Variants in AGBL4 observed in about 807,000 individuals in gnomAD.
AGBL4 encodes cytosolic carboxypeptidase 6.
In AGBL4, 58 loss-of-function variants were observed where a neutral mutation model predicts 66.4. The ratio of observed to expected loss-of-function variants is 0.87; its 90% confidence interval spans 0.71 to 1.09. The LOEUF (loss-of-function observed/expected upper bound fraction) is 1.09, where lower values mean the gene tolerates loss of function less well. Among genes scored for constraint, AGBL4 ranks in the 50% least tolerant of loss-of-function variants. The pLI is 0.00. For synonymous variants in AGBL4, 234 were observed against 222.9 expected (o/e 1.05, Z -0.44); for missense variants, 579 against 631.0 (o/e 0.92, Z 0.88).
Position 49,259,458 on chromosome 1 carries a change from G to T in AGBL4, c.283-13594C>A, listed in dbSNP as rs1366087775. On this transcript the variant is annotated intron_variant, in intron 3 of 13. Transcript: ENST00000371839. ...ATAGGCTCAAAATAAAAGGATGGAG[G>T]AAGATCTACCAAGCAAATGGAAAAC... 3.3e-5 allele frequency among the ~76,000 whole-genome samples: 5 copies of T among 151,720 alleles called. No individual in the cohort carries two copies. The East Asian group carries it at 9.7e-4, about 29-fold the overall frequency.
At chr1:48,991,657 T>C (rs1330472782) in intron 5 of AGBL4, among the ~76,000 whole-genome samples, 2 of 152,086 alleles carry the variant, frequency 1.3e-5, no homozygotes, top group South Asian at 2.1e-4. Context: ...AGGTGTGCTA[T>C]ATTATTTTTT....
At chr1:49,134,370 T>C (rs911541873) in intron 4 of AGBL4, among the ~76,000 whole-genome samples, 5 of 151,978 alleles carry the variant, frequency 3.3e-5, no homozygotes, top group African/African-American at 4.8e-5. Flanking sequence ...AGGCTGGAAT[T>C]TCCTAATCCT....
intron 7 of AGBL4, among the ~76,000 whole-genome samples, chr1:48,660,889 G>A (rs1034329619): frequency 5.3e-5 from 8 of 152,158 alleles, no homozygotes; most frequent in African/African-American, 1.7e-4. Flanking sequence ...TCCCATCCCT[G>A]AGTGGGACAA....
chr1:49,435,201 T>A (rs988551211), intron 3 of AGBL4, among the ~76,000 whole-genome samples: 1 of 152,212 alleles, frequency 6.6e-6, no homozygotes, highest in Admixed American at 6.5e-5. Flanking sequence ...TGCTCCATGG[T>A]ACCAGAATTA....
At chr1:49,305,815 C>G (rs992167442) in intron 3 of AGBL4, among the ~76,000 whole-genome samples, 1 of 151,980 alleles carries the variant, frequency 6.6e-6, no homozygotes, top group African/African-American at 2.4e-5. Flanking sequence ...CTCAGCCTCC[C>G]GAGTAGCTGG....
chr1:48,887,424 C>T (rs923716664), intron 5 of AGBL4, among the ~76,000 whole-genome samples: 3 of 151,956 alleles, frequency 2.0e-5, no homozygotes, highest in African/African-American at 7.3e-5. Flanking sequence ...TTATTCCCAC[C>T]GAAGAGGCAA....
chr1:49,746,108 T>G (rs1457654637), intron 2 of AGBL4, among the ~76,000 whole-genome samples: 1 of 151,984 alleles, frequency 6.6e-6, no homozygotes, highest in African/African-American at 2.4e-5. Flanking sequence ...GACACACAGT[T>G]TATTCATCAG....
At chr1:49,874,809 T>TTTTG (rs1557534775) in intron 1 of AGBL4, among the ~76,000 whole-genome samples, 9 of 152,208 alleles carry the variant, frequency 5.9e-5, no homozygotes, top group African/African-American at 2.2e-4. Context: ...TTCTATTATT[T>TTTTG]TTTTGTTTTG....
At chr1:49,810,039 A>G (rs1184955901) in intron 2 of AGBL4, among the ~76,000 whole-genome samples, 1 of 152,204 alleles carries the variant, frequency 6.6e-6, no homozygotes, top group Non-Finnish European at 1.5e-5. Context: ...CATAATTATC[A>G]TTCAATATAA....
chr1:49,353,568 C>T (rs1426244101), intron 3 of AGBL4, among the ~76,000 whole-genome samples: 1 of 152,146 alleles, frequency 6.6e-6, no homozygotes, highest in African/African-American at 2.4e-5. Flanking sequence ...CAGGGAAATA[C>T]TGGGTAGAAG....
intron 2 of AGBL4, among the ~76,000 whole-genome samples, chr1:49,782,547 A>G (rs974250849): frequency 6.6e-6 from 1 of 152,186 alleles, no homozygotes; most frequent in Non-Finnish European, 1.5e-5. Context: ...TTAAGAAGTA[A>G]GTAGAAGTTC....
intron 4 of AGBL4, among the ~76,000 whole-genome samples, chr1:49,223,280 A>G (rs551274506): frequency 3.3e-5 from 5 of 152,332 alleles, no homozygotes; most frequent in African/African-American, 9.6e-5. Context: ...AGAGTATCAC[A>G]GAAGGGGAGA....
At chr1:49,085,582 A>G (rs1389118120) in intron 4 of AGBL4, among the ~76,000 whole-genome samples, 1 of 151,960 alleles carries the variant, frequency 6.6e-6, no homozygotes, top group Non-Finnish European at 1.5e-5. Context: ...GCTAGTGAAC[A>G]TTGACTCTGC....
intron 5 of AGBL4, among the ~76,000 whole-genome samples, chr1:49,013,253 G>C (rs1294033556): frequency 2.0e-5 from 3 of 152,162 alleles, no homozygotes; most frequent in Non-Finnish European, 4.4e-5. Context: ...ACTTGCCTGT[G>C]GTATCCTGGG....
At chr1:49,406,839 G>A (rs1645210387) in intron 3 of AGBL4, among the ~76,000 whole-genome samples, 1 of 151,932 alleles carries the variant, frequency 6.6e-6, no homozygotes, top group Non-Finnish European at 1.5e-5. Flanking sequence ...GCCGAGGTGG[G>A]CGGATCACGA....
chr1:48,762,614 T>TTGTGTGTGTGTGTGTGTG (rs58396843), intron 6 of AGBL4, among the ~76,000 whole-genome samples: 15 of 75,140 alleles, frequency 2.0e-4, no homozygotes, highest in African/African-American at 5.9e-4. Context: ...TTTAAGGGTT[T>TTGTGTGTGTGTGTGTGTG]TGTGTGTGTG....
intron 4 of AGBL4, among the ~76,000 whole-genome samples, chr1:49,095,777 G>C (rs1645086443): frequency 6.6e-6 from 1 of 151,420 alleles, no homozygotes; most frequent in Non-Finnish European, 1.5e-5. Flanking sequence ...ACATAGGCAT[G>C]GGCAAGGACT....
At chr1:48,988,584 A>G (rs1396380683) in intron 5 of AGBL4, among the ~76,000 whole-genome samples, 1 of 152,202 alleles carries the variant, frequency 6.6e-6, no homozygotes, top group African/African-American at 2.4e-5. Context: ...CTCTCTTCAG[A>G]GGCAAATGTT....
intron 5 of AGBL4, among the ~76,000 whole-genome samples, chr1:48,963,672 C>T (rs1571112054): frequency 6.6e-6 from 1 of 152,020 alleles, no homozygotes; most frequent in African/African-American, 2.4e-5. Flanking sequence ...AATAAATGAC[C>T]TCACAGCATC....
Sources: gnomAD v4.1 joint callset for allele counts (sites outside exome capture counted in the v4.1 genomes callset) on GRCh38, gnomAD v4.1.1 for gene constraint, MANE v1.5 for transcripts, NCBI Gene and HGNC (gene_info 2026-07-23, HGNC 2026-07-21) for gene names.